The following PTPRZ1 variants were observed in gnomAD, a reference collection of about 807,000 sequenced individuals.
The protein encoded by PTPRZ1 is receptor-type tyrosine-protein phosphatase zeta.
A neutral mutation model predicts 214.1 loss-of-function variants in PTPRZ1; 82 were observed. That is an observed-to-expected ratio of 0.38 (90% confidence interval 0.32 to 0.46). The LOEUF (loss-of-function observed/expected upper bound fraction) is 0.46, where lower values mean the gene tolerates loss of function less well. Ranked by LOEUF, PTPRZ1 falls within the 20% of genes least tolerant of loss-of-function variation. The pLI, the probability that PTPRZ1 is intolerant of heterozygous loss-of-function variation, is 1.00. For missense variants in PTPRZ1, 2,603 were observed against 2,748.7 expected, an observed-to-expected ratio of 0.95 and a Z score of 1.19; for synonymous variants, 945 against 987.9, an observed-to-expected ratio of 0.96 and a Z score of 0.81.
chr7:121,943,618 G>C (rs150997272), intron 2 of PTPRZ1, among the ~76,000 whole-genome samples: 1 of 152,142 alleles, frequency 6.6e-6, no homozygotes, highest in Non-Finnish European at 1.5e-5. Context: ...GATTACAGGC[G>C]TGAGCCACTG....
chr7:122,033,477 GAAAT>G (rs2150471248), intron 15 of PTPRZ1, among the ~76,000 whole-genome samples: 1 of 151,916 alleles, frequency 6.6e-6, no homozygotes, highest in East Asian at 1.9e-4. Context: ...AAAATGGGCA[GAAAT>G]AAATTTTCTT....
At chr7:121,940,460 T>C (rs1796207216) in intron 2 of PTPRZ1, among the ~76,000 whole-genome samples, 1 of 152,156 alleles carries the variant, frequency 6.6e-6, no homozygotes, top group East Asian at 1.9e-4. Context: ...GGGATTCTTT[T>C]GTTAGTTTGT....
chr7:121,987,437 G>C (rs1238847402), intron 8 of PTPRZ1, among the ~76,000 whole-genome samples: 1 of 152,196 alleles, frequency 6.6e-6, no homozygotes, highest in Non-Finnish European at 1.5e-5. Flanking sequence ...TAATGGGATT[G>C]CTGGGTCAAA....
chr7:121,909,922 G>A (rs1795221278), intron 1 of PTPRZ1, among the ~76,000 whole-genome samples: 1 of 152,112 alleles, frequency 6.6e-6, no homozygotes, highest in Non-Finnish European at 1.5e-5. Context: ...TTATGAGTCT[G>A]GCAGTAGTCC....
At chr7:121,942,033 A>T (rs192694924) in intron 2 of PTPRZ1, among the ~76,000 whole-genome samples, 52 of 152,304 alleles carry the variant, frequency 3.4e-4, no homozygotes, top group Non-Finnish European at 1.2e-4. Flanking sequence ...ATCTGGGATC[A>T]TTATCCAAGC....
In PTPRZ1 at chr7:121,955,546, T is replaced by A. The variant is rs573655823; in HGVS notation, c.125-12405T>A. Among the ~76,000 whole-genome samples, 6 of 152,260 alleles carry A rather than the reference T, an allele frequency of 3.9e-5. No individual in the cohort carries two copies. The South Asian group carries it at 6.2e-4, about 16-fold the overall frequency. On this transcript the variant is annotated intron_variant, in intron 2 of 29. Coordinates refer to ENST00000393386, the MANE Select transcript of PTPRZ1 (RefSeq NM_002851.3). Reference sequence around the variant, plus strand: ...AATCTCACTCCATTTCTCTCATAATTCCATAAATAGTTTGCCTGCCTTTCA... The same window carrying A: ...AATCTCACTCCATTTCTCTCATAATACCATAAATAGTTTGCCTGCCTTTCA...
intron 1 of PTPRZ1, among the ~76,000 whole-genome samples, chr7:121,920,042 T>C (rs746102726): frequency 1.5e-4 from 23 of 152,194 alleles, no homozygotes; most frequent in Non-Finnish European, 3.2e-4. Context: ...ATCTCTTCAT[T>C]TATTCACATT....
intron 1 of PTPRZ1, among the ~76,000 whole-genome samples, chr7:121,877,840 T>C (rs778008482): frequency 1.3e-5 from 2 of 152,078 alleles, no homozygotes; most frequent in Non-Finnish European, 2.9e-5. Flanking sequence ...TTAAAATGCT[T>C]CCTGCTCCAT....
chr7:121,995,717 TG>T (rs1335503220), intron 8 of PTPRZ1, among the ~76,000 whole-genome samples: 3 of 152,206 alleles, frequency 2.0e-5, no homozygotes, highest in African/African-American at 7.2e-5. Flanking sequence ...AATACTGAAA[TG>T]GCAATTTTAG....
intron 2 of PTPRZ1, among the ~76,000 whole-genome samples, chr7:121,934,777 T>C (rs1796024637): frequency 6.6e-6 from 1 of 152,222 alleles, no homozygotes; most frequent in Non-Finnish European, 1.5e-5. Context: ...TTTCCTATCA[T>C]CTGTAGATTT....
Position 122,034,395 on chromosome 7 carries a change from A to G in PTPRZ1, c.5284+17A>G. On this transcript the variant is annotated intron_variant, in intron 17 of 29. Transcript: ENST00000393386. Reference sequence around the variant, plus strand: ...TCGTTGCCTGTAAGTATATTCTTAAATCAGCTCTGACTTCAATATCATTGC... The same window carrying G: ...TCGTTGCCTGTAAGTATATTCTTAAGTCAGCTCTGACTTCAATATCATTGC... 6.2e-7 allele frequency: 1 copy of G among 1,605,384 alleles called. No homozygotes were observed. Among genetic ancestry groups the G allele is most frequent in the Non-Finnish European group, 8.5e-7 (1 of 1,173,820 alleles).
In PTPRZ1 at chr7:121,909,159, G is replaced by A. The variant is rs536309319; in HGVS notation, c.59-18997G>A. Among the ~76,000 whole-genome samples, 5 of 152,248 alleles carry A rather than the reference G, an allele frequency of 3.3e-5. No homozygotes were observed. The South Asian group carries it at 1.0e-3, about 32-fold the overall frequency. ...AAAGTTATTTTTAGCCTAGAATTGT[G>A]AAGATAGAACAAGACAATCTAAAAA... On this transcript the variant is annotated intron_variant, in intron 1 of 29. Transcript: ENST00000393386.
chr7:122,011,462 T>G lies in PTPRZ1; in HGVS notation c.2416T>G (p.Ser806Ala). The change falls in exon 12 of 30, where the codon TCA becomes GCA. Residue 806 changes from serine (S) to alanine (A), a missense_variant. Ser to Ala is a moderately conservative substitution (Grantham distance 99, BLOSUM62 1). This residue lies in a region of PTPRZ1 where 1,913 missense variants were observed against 1,914.3 expected (regional missense o/e 1.00). Transcript: ENST00000393386. ...ATPVFPSVDVSFESILSSYDG... is the reference protein window; with the variant it reads ...ATPVFPSVDVAFESILSSYDG... ...GCCTGTATTTCCCAGTGTCGATGTGTCATTTGAATCCATCCTGTCTTCCTA... is the reference window on the plus strand; with the variant it reads ...GCCTGTATTTCCCAGTGTCGATGTGGCATTTGAATCCATCCTGTCTTCCTA... 1 of 1,614,124 alleles carries G rather than the reference T, an allele frequency of 6.2e-7. No homozygotes were observed. Among genetic ancestry groups the G allele is most frequent in the Non-Finnish European group, 8.5e-7 (1 of 1,180,006 alleles).
chr7:121,905,917 C>T (rs1243594243), intron 1 of PTPRZ1, among the ~76,000 whole-genome samples: 1 of 152,112 alleles, frequency 6.6e-6, no homozygotes, highest in Non-Finnish European at 1.5e-5. Context: ...TTACAAGAGG[C>T]ACTGATGATA....
intron 1 of PTPRZ1, among the ~76,000 whole-genome samples, chr7:121,894,754 T>C (rs1794737716): frequency 1.3e-5 from 2 of 152,160 alleles, no homozygotes; most frequent in Admixed American, 1.3e-4. Context: ...GCTTATAGAT[T>C]ATTAGAATTC....
chr7:121,874,162 C>CA (rs11378724), intron 1 of PTPRZ1, among the ~76,000 whole-genome samples: 68,316 of 149,080 alleles, frequency 0.46, 18,312 homozygotes, highest in African/African-American at 0.76. Context: ...CAATTACTTA[C>CA]AAAAAAAAAA....
At chr7:122,026,647 T>G (rs1039045305) in intron 13 of PTPRZ1, among the ~76,000 whole-genome samples, 2 of 152,184 alleles carry the variant, frequency 1.3e-5, no homozygotes, top group African/African-American at 4.8e-5. Context: ...TGACACTTGT[T>G]TCTGTATCCA....
intron 6 of PTPRZ1, 72 bp downstream of exon 6, chr7:121,976,923 A>T: frequency 7.5e-7 from 1 of 1,329,250 alleles, no homozygotes; most frequent in Non-Finnish European, 1.1e-6. Context: ...CAATACGACA[A>T]AAGTCACTTG....
At chr7:121,985,438 G>A (rs1385488616) in intron 8 of PTPRZ1, among the ~76,000 whole-genome samples, 2 of 152,136 alleles carry the variant, frequency 1.3e-5, no homozygotes, top group Admixed American at 6.5e-5. Flanking sequence ...CAAACTGCTT[G>A]TTATTGCATG....
Sources: gnomAD v4.1 joint callset for allele counts (sites outside exome capture counted in the v4.1 genomes callset) on GRCh38, gnomAD v4.1.1 for gene constraint, gnomAD v4.1.1 regional missense constraint, MANE v1.5 for transcripts, NCBI Gene and HGNC (gene_info 2026-07-23, HGNC 2026-07-21) for gene names.